The following CCDC60 variants were observed in gnomAD, a reference collection of about 807,000 sequenced individuals.
The protein encoded by CCDC60 is coiled-coil domain-containing protein 60.
In CCDC60, 54 loss-of-function variants were observed where a neutral mutation model predicts 63.5. That is an observed-to-expected ratio of 0.85 (90% CI 0.68 to 1.07). The LOEUF (loss-of-function observed/expected upper bound fraction) is 1.07, where lower values mean the gene tolerates loss of function less well. CCDC60 is among the 50% of genes least tolerant of loss of function. The pLI, the probability that CCDC60 is intolerant of heterozygous loss-of-function variation, is 0.00. For missense variants in CCDC60, 651 were observed against 684.3 expected (o/e 0.95, Z 0.54); for synonymous variants, 206 against 238.8 (o/e 0.86, Z 1.27).
chr12:119,473,885 C>A (rs1951119511), intron 3 of CCDC60, among the ~76,000 whole-genome samples: 1 of 152,088 alleles, frequency 6.6e-6, no homozygotes, highest in South Asian at 2.1e-4. Flanking sequence ...GGCATTTGGA[C>A]TAGTTCTATA....
chr12:119,474,915 G>A (rs1008300636), intron 3 of CCDC60, among the ~76,000 whole-genome samples: 20 of 152,126 alleles, frequency 1.3e-4, no homozygotes, highest in African/African-American at 4.6e-4. Context: ...GAGGCCTGGG[G>A]TATTGAGTCA....
At chr12:119,385,408 C>T (rs983243340) in intron 1 of CCDC60, among the ~76,000 whole-genome samples, 4 of 152,194 alleles carry the variant, frequency 2.6e-5, no homozygotes, top group African/African-American at 9.7e-5. Context: ...ATAATTGAAT[C>T]ATGGGGGCAG....
intron 5 of CCDC60, among the ~76,000 whole-genome samples, chr12:119,497,144 CAT>C (rs1161723064): frequency 6.6e-6 from 1 of 152,176 alleles, no homozygotes; most frequent in African/African-American, 2.4e-5. Flanking sequence ...CACTTTCACT[CAT>C]GTATTTTTGA....
At chr12:119,361,277 A>G (rs962065569) in intron 1 of CCDC60, among the ~76,000 whole-genome samples, 4 of 151,940 alleles carry the variant, frequency 2.6e-5, no homozygotes, top group Non-Finnish European at 4.4e-5. Context: ...AAGTAACAAA[A>G]CCCTCTCAAA....
chr12:119,383,645 A>G (rs1956031432), intron 1 of CCDC60, among the ~76,000 whole-genome samples: 1 of 152,240 alleles, frequency 6.6e-6, no homozygotes, highest in African/African-American at 2.4e-5. Context: ...ATGCCTTTTG[A>G]GAGCTCAAGA....
intron 5 of CCDC60, among the ~76,000 whole-genome samples, chr12:119,493,294 C>T (rs520809): frequency 0.69 from 104,637 of 151,880 alleles, 36,292 homozygotes; most frequent in East Asian, 0.86. Context: ...TAGACCCAAT[C>T]CCTCCCCCTT....
chr12:119,429,355 T>C (rs1255173004), intron 2 of CCDC60, among the ~76,000 whole-genome samples: 1 of 152,080 alleles, frequency 6.6e-6, no homozygotes, highest in Non-Finnish European at 1.5e-5. Flanking sequence ...GCCATCTCTG[T>C]CTAGTGAGAT....
chr12:119,488,735 T>C, intron 4 of CCDC60, 24 bp from the exon 5 acceptor site: 1 of 1,602,962 alleles, frequency 6.2e-7, no homozygotes, highest in Non-Finnish European at 8.5e-7. Context: ...GATCCCACTG[T>C]GTTCCCTCTC....
chr12:119,397,651 C>T (rs1418685222), intron 1 of CCDC60, among the ~76,000 whole-genome samples: 5 of 145,832 alleles, frequency 3.4e-5, no homozygotes, highest in Admixed American at 6.9e-5. Context: ...CAGCTGGCTT[C>T]GCCTGGTGGA....
At position 119,420,135 on chromosome 12, in the gene CCDC60, C is replaced by T. The variant is rs1956786140; in HGVS notation, c.91-8548C>T. Among the ~76,000 whole-genome samples the T allele has an allele frequency of 6.6e-6, 1 of 152,102 alleles. No homozygotes were observed. The highest frequency in any genetic ancestry group is 2.4e-5 in the African/African-American group (1 of 41,424). On this transcript the variant is annotated intron_variant, in intron 1 of 13. Transcript: ENST00000327554. This position sits in a 1 kb window ranked among gnomAD's most constrained non-coding sequence, Gnocchi z 4.1. ...TCGTGATCCACCCGCCTCGGCCTCC[C>T]AAAGTGCTGAGATTACAGGTATAAG...
intron 1 of CCDC60, among the ~76,000 whole-genome samples, chr12:119,363,109 TAAA>T (rs1955807460): frequency 6.6e-6 from 1 of 151,856 alleles, no homozygotes; most frequent in Non-Finnish European, 1.5e-5. Flanking sequence ...AAAATAAAAA[TAAA>T]AAAGAAAGAA....
chr12:119,478,368 C>A lies in CCDC60; in HGVS notation c.342-726C>A, dbSNP rs955557538. The stretch of plus-strand genomic sequence containing the variant: ...CAAGCATGACAACAACCACCCCCCC[C>A]CAAAAAAAATCCTATTTTCTATAAC... On this transcript the variant is annotated intron_variant, in intron 3 of 13. Coordinates refer to ENST00000327554, the MANE Select transcript of CCDC60 (RefSeq NM_178499.5). 6.6e-5 allele frequency among the ~76,000 whole-genome samples: 10 copies of A among 151,420 alleles called. 1 individual carries two copies. Among genetic ancestry groups the A allele is most frequent in the South Asian group, 6.2e-4 (3 of 4,804 alleles).
chr12:119,339,532 C>G (rs1955509907), intron 1 of CCDC60, among the ~76,000 whole-genome samples: 1 of 99,452 alleles, frequency 1.0e-5, no homozygotes, highest in Admixed American at 1.4e-4. Context: ...TGCCTATAAT[C>G]TGAACACTTT....
intron 2 of CCDC60, chr12:119,433,717 T>C: frequency 1.6e-6 from 1 of 630,744 alleles, no homozygotes; most frequent in Non-Finnish European, 2.8e-6. Flanking sequence ...GCCAAACTAT[T>C]TTACTGTCTC....
intron 2 of CCDC60, among the ~76,000 whole-genome samples, chr12:119,453,926 A>G (rs1359491782): frequency 6.6e-6 from 1 of 151,954 alleles, no homozygotes; most frequent in Non-Finnish European, 1.5e-5. Context: ...ATGATGATGA[A>G]AAATAAGAAG....
intron 1 of CCDC60, among the ~76,000 whole-genome samples, chr12:119,368,959 A>C (rs546824393): frequency 6.6e-6 from 1 of 152,140 alleles, no homozygotes; most frequent in East Asian, 1.9e-4. Context: ...TCTAGAGAGG[A>C]TGAAGAAAGA....
intron 1 of CCDC60, chr12:119,388,162 A>C (rs1250117200): frequency 2.0e-5 from 3 of 152,226 alleles, no homozygotes; most frequent in African/African-American, 7.2e-5. Context: ...CAGAGATCAC[A>C]TGATGGCTGG....
chr12:119,378,810 A>T (rs1409914382), intron 1 of CCDC60, among the ~76,000 whole-genome samples: 1 of 152,250 alleles, frequency 6.6e-6, no homozygotes, highest in Non-Finnish European at 1.5e-5. Context: ...TGCACAGGCC[A>T]AGATTGACAC....
chr12:119,436,770 C>G (rs1950334533), intron 2 of CCDC60, among the ~76,000 whole-genome samples: 1 of 152,164 alleles, frequency 6.6e-6, no homozygotes, highest in Non-Finnish European at 1.5e-5. Flanking sequence ...CTCCTGACCT[C>G]AGGTGATCTA....
Sources: gnomAD v4.1 joint callset for allele counts (sites outside exome capture counted in the v4.1 genomes callset) on GRCh38, gnomAD v4.1.1 for gene constraint, Gnocchi (gnomAD v3.1) non-coding constraint, MANE v1.5 for transcripts, NCBI Gene and HGNC (gene_info 2026-07-23, HGNC 2026-07-21) for gene names.